Variants in EYS observed in about 807,000 individuals in gnomAD.
EYS encodes EGF-like photoreceptor maintenance factor, also known as protein eyes shut homolog.
Under a neutral mutation model 282.1 loss-of-function variants are expected in EYS, and 250 were observed. The ratio of observed to expected loss-of-function variants is 0.89; its 90% CI spans 0.80 to 0.98. The LOEUF (loss-of-function observed/expected upper bound fraction) is 0.98. EYS is among the 50% of genes least tolerant of loss of function. The pLI, the probability that EYS is intolerant of heterozygous loss-of-function variation, is 0.00. For missense variants in EYS, 4,016 were observed against 3,709.0 expected (o/e 1.08, Z -2.15); for synonymous variants, 1,355 against 1,282.9 (o/e 1.06, Z -1.20).
chr6:64,077,673 C>T (rs559952234), intron 32 of EYS, among the ~76,000 whole-genome samples: 60 of 152,094 alleles, frequency 3.9e-4, no homozygotes, highest in African/African-American at 1.3e-3. Context: ...CATACTTCCA[C>T]ATGGCATGCT....
rs1554171340 is a variant in EYS at position 63,810,315 on chromosome 6, C to CCA, written c.7229-3944_7229-3943insTG. Among the ~76,000 whole-genome samples, 326 of 132,590 alleles carry CCA rather than the reference C, an allele frequency of 2.5e-3. 1 individual carries two copies. The highest frequency in any genetic ancestry group is 8.7e-3 in the African/African-American group (301 of 34,468). 87.0% of individuals were successfully genotyped at this position (132,590 alleles called of 152,430 possible). On this transcript the variant is annotated intron_variant, in intron 36 of 42. Transcript: ENST00000503581. The stretch of plus-strand genomic sequence containing the variant: ...CAAAGACAAAAACAACCCCCCCCCC[C>CCA]AAAAAAACCTGCGGTTAATCTTTTA...
At chr6:65,379,162 A>G (rs1011701524) in intron 8 of EYS, among the ~76,000 whole-genome samples, 14 of 152,270 alleles carry the variant, frequency 9.2e-5, no homozygotes, top group African/African-American at 3.1e-4. Flanking sequence ...AGACACAATG[A>G]GAAAATAAAA....
At chr6:65,574,860 CT>C (rs927098295) in intron 2 of EYS, among the ~76,000 whole-genome samples, 96 of 152,212 alleles carry the variant, frequency 6.3e-4, no homozygotes, top group African/African-American at 2.3e-3. Context: ...ATAGATTATA[CT>C]TTAGTCCACA....
At chr6:64,197,714 T>A (rs1488593224) in intron 31 of EYS, among the ~76,000 whole-genome samples, 1 of 151,886 alleles carries the variant, frequency 6.6e-6, no homozygotes, top group African/African-American at 2.4e-5. Context: ...TTATATGGTA[T>A]CTCTTTTTAA....
intron 31 of EYS, among the ~76,000 whole-genome samples, chr6:64,104,924 G>A (rs988543068): frequency 6.6e-6 from 1 of 151,942 alleles, no homozygotes; most frequent in Non-Finnish European, 1.5e-5. Flanking sequence ...GCTACTATTT[G>A]TGTGTCCTGG....
chr6:65,624,455 T>C (rs1456297143), intron 2 of EYS, among the ~76,000 whole-genome samples: 1 of 152,196 alleles, frequency 6.6e-6, no homozygotes, highest in African/African-American at 2.4e-5. Flanking sequence ...TTTTTTCAGC[T>C]GAATTCAGAA....
At chr6:64,457,936 T>A (rs903058036) in intron 26 of EYS, among the ~76,000 whole-genome samples, 1 of 151,936 alleles carries the variant, frequency 6.6e-6, no homozygotes, top group African/African-American at 2.4e-5. Context: ...ATTTTGTTTG[T>A]GTGTGTGTAT....
chr6:65,558,137 C>A (rs1768891438), intron 2 of EYS, among the ~76,000 whole-genome samples: 1 of 152,182 alleles, frequency 6.6e-6, no homozygotes, highest in Non-Finnish European at 1.5e-5. Flanking sequence ...TGCCTAGAAA[C>A]CTGTCTGCCT....
At chr6:64,660,863 T>C (rs1768985815) in intron 22 of EYS, among the ~76,000 whole-genome samples, 1 of 152,200 alleles carries the variant, frequency 6.6e-6, no homozygotes, top group Non-Finnish European at 1.5e-5. Context: ...CCAATTACTT[T>C]CTTCACAGAA....
intron 2 of EYS, among the ~76,000 whole-genome samples, chr6:65,520,478 A>G (rs1767323916): frequency 6.6e-6 from 1 of 152,094 alleles, no homozygotes; most frequent in Admixed American, 6.6e-5. Context: ...TGAAGTTATA[A>G]TGTCTAAGTT....
chr6:64,529,317 G>A (rs566266922), intron 26 of EYS, among the ~76,000 whole-genome samples: 12 of 152,112 alleles, frequency 7.9e-5, no homozygotes, highest in Admixed American at 2.6e-4. Flanking sequence ...TCTGTTGAAT[G>A]TCTGTGTATT....
chr6:64,911,671 T>A (rs1442768394), intron 16 of EYS, among the ~76,000 whole-genome samples: 1 of 152,112 alleles, frequency 6.6e-6, no homozygotes, highest in Non-Finnish European at 1.5e-5. Context: ...CCAAACACAA[T>A]GTGTTTTTTA....
intron 34 of EYS, among the ~76,000 whole-genome samples, chr6:63,993,197 A>C (rs1242216030): frequency 6.6e-6 from 1 of 151,820 alleles, no homozygotes; most frequent in Non-Finnish European, 1.5e-5. Context: ...AACAGAATAC[A>C]TATCATACTC....
At chr6:64,645,509 A>T (rs1768318208) in intron 22 of EYS, among the ~76,000 whole-genome samples, 1 of 152,220 alleles carries the variant, frequency 6.6e-6, no homozygotes, top group South Asian at 2.1e-4. Context: ...TAAGAGTCAG[A>T]GTTTTAAAGT....
chr6:65,366,748 G>A (rs1268952443), intron 8 of EYS, among the ~76,000 whole-genome samples: 1 of 151,598 alleles, frequency 6.6e-6, no homozygotes, highest in East Asian at 1.9e-4. Context: ...TCTTATTAAT[G>A]TAAAGTCAAG....
At chr6:65,185,566 G>A (rs914940677) in intron 12 of EYS, among the ~76,000 whole-genome samples, 1 of 151,830 alleles carries the variant, frequency 6.6e-6, no homozygotes, top group East Asian at 2.0e-4. Flanking sequence ...CATAAATAAA[G>A]CAGCATAATT....
intron 19 of EYS, among the ~76,000 whole-genome samples, chr6:64,845,051 G>A (rs1765677540): frequency 6.6e-6 from 1 of 152,138 alleles, no homozygotes; most frequent in Admixed American, 6.6e-5. Context: ...CACTTTGGGA[G>A]GCAGAGGCGG....
chr6:65,149,341 C>G (rs1183594338), intron 12 of EYS, among the ~76,000 whole-genome samples: 1 of 152,072 alleles, frequency 6.6e-6, no homozygotes, highest in Non-Finnish European at 1.5e-5. Context: ...AAAATGTCAC[C>G]AAAATGATTT....
intron 36 of EYS, among the ~76,000 whole-genome samples, chr6:63,837,154 A>G (rs1771830288): frequency 6.6e-6 from 1 of 152,080 alleles, no homozygotes; most frequent in African/African-American, 2.4e-5. Flanking sequence ...ATTTTATGAA[A>G]AAGAACACTA....
Sources: allele counts gnomAD v4.1 joint callset (sites outside exome capture counted in the v4.1 genomes callset), GRCh38; gene constraint gnomAD v4.1.1; transcripts MANE v1.5; gene names NCBI Gene and HGNC (gene_info 2026-07-23, HGNC 2026-07-21).